CRACD: variants seen among roughly 807,000 people sequenced by gnomAD.
The protein encoded by CRACD is capping protein inhibiting regulator of actin dynamics.
Under a neutral mutation model 106.8 loss-of-function variants are expected in CRACD, and 56 were observed. The observed-to-expected ratio is 0.52, with a 90% CI of 0.42 to 0.66. The LOEUF (loss-of-function observed/expected upper bound fraction) is 0.66. Among genes scored for constraint, CRACD ranks in the 30% least tolerant of loss-of-function variants. CRACD has a pLI of 0.00. For missense variants in CRACD, 1,730 were observed against 1,623.2 expected, an observed-to-expected ratio of 1.07 and a Z score of -1.13; for synonymous variants, 754 against 670.8, an observed-to-expected ratio of 1.12 and a Z score of -1.92.
intron 1 of CRACD, among the ~76,000 whole-genome samples, chr4:56,138,419 G>A (rs114585739): frequency 6.6e-6 from 1 of 152,166 alleles, no homozygotes; most frequent in Non-Finnish European, 1.5e-5. Flanking sequence ...AGCCAAGATT[G>A]TGTCACTGCA....
intron 5 of CRACD, 86 bp from the exon 6 acceptor site, chr4:56,310,580 C>A: frequency 2.1e-6 from 2 of 938,348 alleles, no homozygotes; most frequent in Non-Finnish European, 3.5e-6. Flanking sequence ...GAGGGGGTGA[C>A]CCTACCCAGG....
At chr4:56,170,206 G>A (rs544048674) in intron 1 of CRACD, 2 of 152,246 alleles carry the variant, frequency 1.3e-5, no homozygotes, top group African/African-American at 4.8e-5. Flanking sequence ...CATGCCTTCT[G>A]GTTTGACTGG....
intron 3 of CRACD, 71 bp from the exon 4 acceptor site, chr4:56,298,143 G>T: frequency 6.6e-7 from 1 of 1,514,752 alleles, no homozygotes; most frequent in East Asian, 2.3e-5. Context: ...CTCCAATCAG[G>T]AATAATGGAA....
intron 2 of CRACD, among the ~76,000 whole-genome samples, chr4:56,270,451 TG>T (rs1341474007): frequency 6.6e-6 from 1 of 152,184 alleles, no homozygotes; most frequent in Non-Finnish European, 1.5e-5. Flanking sequence ...ACCTCATTTG[TG>T]TGCCTGGATT....
intron 4 of CRACD, among the ~76,000 whole-genome samples, chr4:56,304,418 C>G (rs563597172): frequency 1.3e-5 from 2 of 149,000 alleles, no homozygotes; most frequent in South Asian, 4.2e-4. Context: ...TACATTTTGC[C>G]TTATTCTTTT....
rs140794190 is a variant in CRACD at position 56,228,158 on chromosome 4, C to T, written c.-188-44163C>T. ...CCCTAACCCCGGTCATTTCAGGGAC[C>T]GTGTCCTCATATGATGCTAGGCAGT... is the stretch of plus-strand genomic sequence containing the variant. On this transcript the variant is annotated intron_variant, in intron 2 of 10. Transcript: ENST00000682029. Among the ~76,000 whole-genome samples the T allele has an allele frequency of 1.5e-3, 221 of 152,180 alleles. 3 individuals carry two copies. The East Asian group carries it at 0.021, about 15-fold the overall frequency.
At chr4:56,289,835 C>T (rs1743603727) in intron 3 of CRACD, among the ~76,000 whole-genome samples, 2 of 152,156 alleles carry the variant, frequency 1.3e-5, no homozygotes, top group Non-Finnish European at 2.9e-5. Context: ...TCTAAGAAAT[C>T]CAAACATCTG....
rs1479202474 is a variant in CRACD, at chr4:56,316,148, G to A, written c.2646G>A (p.Gly882=). Residue 882 remains glycine (G), a synonymous_variant, in exon 8 of 11, where the codon GGG becomes GGA. Transcript: ENST00000682029. ...HSSTGDSADA[G]PPAAGSARGE... ...GCACCGGAGACAGCGCGGATGCAGGGCCGCCTGCAGCGGGGAGCGCTCGTG... is the reference window on the plus strand; with the variant it reads ...GCACCGGAGACAGCGCGGATGCAGGACCGCCTGCAGCGGGGAGCGCTCGTG... The A allele has an allele frequency of 8.1e-6, 13 of 1,614,038 alleles. No individual in the cohort carries two copies. The highest frequency in any genetic ancestry group is 8.5e-7 in the Non-Finnish European group (1 of 1,180,026).
At chr4:56,156,564 T>C (rs1382123872) in intron 1 of CRACD, among the ~76,000 whole-genome samples, 3 of 152,266 alleles carry the variant, frequency 2.0e-5, no homozygotes, top group Admixed American at 2.0e-4. Context: ...TTCTGCAGAA[T>C]GTAAGATTTG....
At chr4:56,087,788 T>A (rs1003356217) in intron 1 of CRACD, among the ~76,000 whole-genome samples, 1 of 152,186 alleles carries the variant, frequency 6.6e-6, no homozygotes, top group African/African-American at 2.4e-5. Context: ...CCTCTTTTTT[T>A]ACTTACTTAT....
chr4:56,290,779 C>A (rs1225165347), intron 3 of CRACD, among the ~76,000 whole-genome samples: 1 of 152,162 alleles, frequency 6.6e-6, no homozygotes, highest in Non-Finnish European at 1.5e-5. Flanking sequence ...CCTTCTAAAG[C>A]CCCAGGAACT....
intron 1 of CRACD, among the ~76,000 whole-genome samples, chr4:56,124,058 C>T (rs935535316): frequency 2.0e-5 from 3 of 152,114 alleles, no homozygotes; most frequent in African/African-American, 7.2e-5. Flanking sequence ...CCGCCTCAGC[C>T]TCCCAAGTAG....
At chr4:56,189,596 C>T (rs1195337675) in intron 2 of CRACD, among the ~76,000 whole-genome samples, 5 of 128,414 alleles carry the variant, frequency 3.9e-5, no homozygotes, top group Non-Finnish European at 8.1e-5. Flanking sequence ...CCCCTTCCTG[C>T]GTCCATGTGT....
At chr4:56,144,641 G>T (rs1344055825) in intron 1 of CRACD, among the ~76,000 whole-genome samples, 1 of 149,578 alleles carries the variant, frequency 6.7e-6, no homozygotes, top group South Asian at 2.1e-4. Flanking sequence ...CCCATTTTGT[G>T]TATATTTTCT....
intron 2 of CRACD, among the ~76,000 whole-genome samples, chr4:56,195,371 A>G (rs1383527007): frequency 6.6e-6 from 1 of 152,200 alleles, no homozygotes; most frequent in Non-Finnish European, 1.5e-5. Flanking sequence ...AGAAGTTTAA[A>G]GTTTATGGAA....
At chr4:56,170,469 G>A (rs1560470446) in intron 1 of CRACD, among the ~76,000 whole-genome samples, 2 of 152,126 alleles carry the variant, frequency 1.3e-5, no homozygotes, top group Admixed American at 6.6e-5. Context: ...TATACTTTTG[G>A]TATTGGGTAT....
At chr4:56,075,256 GAA>G (rs1732800499) in intron 1 of CRACD, among the ~76,000 whole-genome samples, 1 of 152,158 alleles carries the variant, frequency 6.6e-6, no homozygotes, top group South Asian at 2.1e-4. Context: ...GTTTTAGAAG[GAA>G]TGTTACCAGC....
intron 1 of CRACD, among the ~76,000 whole-genome samples, chr4:56,063,233 GC>G (rs902974296): frequency 6.6e-6 from 1 of 150,428 alleles, no homozygotes; most frequent in African/African-American, 2.5e-5. Context: ...ATGCTCTGTT[GC>G]CCAGGCTGGC....
chr4:56,203,411 G>A (rs1364753136), intron 2 of CRACD, among the ~76,000 whole-genome samples: 1 of 152,220 alleles, frequency 6.6e-6, no homozygotes, highest in African/African-American at 2.4e-5. Flanking sequence ...CAGAACCAAA[G>A]CTTCTGACGC....
Sources: gnomAD v4.1 joint callset for allele counts (sites outside exome capture counted in the v4.1 genomes callset) on GRCh38, gnomAD v4.1.1 for gene constraint, MANE v1.5 for transcripts, NCBI Gene and HGNC (gene_info 2026-07-23, HGNC 2026-07-21) for gene names.